Variants in CHSY3 observed in about 807,000 individuals in gnomAD.
The protein encoded by CHSY3 is N-acetylgalactosaminyl-proteoglycan 3-beta-glucuronosyltransferase 3.
A neutral mutation model predicts 67.2 loss-of-function variants in CHSY3; 35 were observed. The ratio of observed to expected loss-of-function variants is 0.52; its 90% CI spans 0.40 to 0.69. The LOEUF is 0.69. CHSY3 is among the 30% of genes least tolerant of loss of function. The pLI, the probability that CHSY3 is intolerant of heterozygous loss-of-function variation, is 0.00. For missense variants in CHSY3, 1,069 were observed against 1,138.5 expected, an observed-to-expected ratio of 0.94 and a Z score of 0.88; for synonymous variants, 474 against 434.7, an observed-to-expected ratio of 1.09 and a Z score of -1.12.
chr5:130,034,791 A>T (rs1213771644), intron 2 of CHSY3, among the ~76,000 whole-genome samples: 1 of 152,188 alleles, frequency 6.6e-6, no homozygotes, highest in Non-Finnish European at 1.5e-5. Context: ...GTCACTGAGA[A>T]AATGACACTT....
Position 130,185,124 on chromosome 5 carries a change from G to A in CHSY3, c.1982G>A (p.Arg661Lys). 6.3e-7 allele frequency: 1 copy of A among 1,596,804 alleles called. No individual in the cohort carries two copies. Among genetic ancestry groups the A allele is most frequent in the East Asian group, 2.2e-5 (1 of 44,802 alleles). The change falls in exon 3 of 3, where the codon AGG becomes AAG. Residue 661 changes from arginine to lysine, a missense_variant. Transcript: ENST00000305031. ...AAGTTGGTCATTATCCTTTTCAGTA[G>A]GGATTCTGGCCAAGACTCCAGCAAG... ...NVKLVIILFS[R>K]DSGQDSSKHI...
At chr5:130,125,452 T>TAGACAGAC (rs1554084513) in intron 2 of CHSY3, among the ~76,000 whole-genome samples, 1 of 151,800 alleles carries the variant, frequency 6.6e-6, no homozygotes, top group African/African-American at 2.4e-5. Context: ...GATAGATAGA[T>TAGACAGAC]AGACAGACAG....
rs1580646946 is a variant in CHSY3, at chr5:130,011,964, A to T, written c.1086+103604A>T. Among the ~76,000 whole-genome samples, 4 of 152,382 alleles carry T rather than the reference A, an allele frequency of 2.6e-5. No homozygotes were observed. The East Asian group carries it at 5.8e-4, about 22-fold the overall frequency. On this transcript the variant is annotated intron_variant, in intron 2 of 2. Coordinates refer to ENST00000305031, the MANE Select transcript of CHSY3 (RefSeq NM_175856.5). The stretch of plus-strand genomic sequence containing the variant: ...ACACTGTCCAAAGAAATCAGAAATG[A>T]CACAAATAAATGGAAAAACATCCCA...
chr5:130,122,124 T>A (rs1768052018), intron 2 of CHSY3, among the ~76,000 whole-genome samples: 1 of 152,210 alleles, frequency 6.6e-6, no homozygotes, highest in Admixed American at 6.5e-5. Context: ...AATACATGAA[T>A]TAATAAGTAA....
intron 2 of CHSY3, among the ~76,000 whole-genome samples, chr5:130,147,696 C>A (rs149968184): frequency 6.6e-6 from 1 of 152,218 alleles, no homozygotes; most frequent in Non-Finnish European, 1.5e-5. Context: ...CCTCAGGGAG[C>A]TTACAATCTG....
At chr5:130,115,765 A>G (rs1767776050) in intron 2 of CHSY3, among the ~76,000 whole-genome samples, 1 of 152,178 alleles carries the variant, frequency 6.6e-6, no homozygotes, top group Admixed American at 6.5e-5. Flanking sequence ...TGTAATCATG[A>G]GTGCTAACTA....
At chr5:130,033,443 CT>C (rs1278532716) in intron 2 of CHSY3, among the ~76,000 whole-genome samples, 1 of 152,126 alleles carries the variant, frequency 6.6e-6, no homozygotes, top group East Asian at 1.9e-4. Flanking sequence ...TTGGGGTCCC[CT>C]GATCCATAGA....
At chr5:129,940,644 CT>C (rs1343528581) in intron 2 of CHSY3, among the ~76,000 whole-genome samples, 1 of 151,890 alleles carries the variant, frequency 6.6e-6, no homozygotes, top group Non-Finnish European at 1.5e-5. Flanking sequence ...ATAAAAAATA[CT>C]GCAGAGCCTA....
chr5:129,955,431 C>T (rs146716427), intron 2 of CHSY3, among the ~76,000 whole-genome samples: 245 of 151,330 alleles, frequency 1.6e-3, no homozygotes, highest in African/African-American at 5.5e-3. Context: ...TATTTTTTCC[C>T]GTCTCCTTTC....
At chr5:130,118,809 G>A (rs745720323) in intron 2 of CHSY3, among the ~76,000 whole-genome samples, 3 of 151,952 alleles carry the variant, frequency 2.0e-5, no homozygotes, top group Non-Finnish European at 4.4e-5. Flanking sequence ...GGAATGCTGG[G>A]TGCTTTTGTA....
intron 2 of CHSY3, among the ~76,000 whole-genome samples, chr5:130,018,422 T>G (rs941110792): frequency 7.9e-5 from 12 of 152,274 alleles, no homozygotes; most frequent in African/African-American, 2.9e-4. Flanking sequence ...TTAACGCACT[T>G]CATGAATAAC....
chr5:129,946,089 G>A (rs1761847666), intron 2 of CHSY3, among the ~76,000 whole-genome samples: 1 of 152,066 alleles, frequency 6.6e-6, no homozygotes, highest in African/African-American at 2.4e-5. Context: ...TGAGGGTGCT[G>A]GGCAGAATTT....
At chr5:129,994,090 G>A (rs907631803) in intron 2 of CHSY3, among the ~76,000 whole-genome samples, 16 of 152,154 alleles carry the variant, frequency 1.1e-4, no homozygotes, top group African/African-American at 3.9e-4. Context: ...AGCTGTTAGT[G>A]TGATGGACTT....
chr5:130,015,687 GA>G (rs567239045), intron 2 of CHSY3, among the ~76,000 whole-genome samples: 1 of 152,114 alleles, frequency 6.6e-6, no homozygotes, highest in Non-Finnish European at 1.5e-5. Context: ...AAAGATTCTT[GA>G]AAGATCTTAG....
At chr5:129,959,721 T>C (rs2149606749) in intron 2 of CHSY3, among the ~76,000 whole-genome samples, 1 of 152,282 alleles carries the variant, frequency 6.6e-6, no homozygotes, top group Non-Finnish European at 1.5e-5. Flanking sequence ...GTCATCAGCA[T>C]AGGAAAGATG....
At chr5:130,150,761 G>T (rs1319877649) in intron 2 of CHSY3, among the ~76,000 whole-genome samples, 1 of 152,126 alleles carries the variant, frequency 6.6e-6, no homozygotes, top group Non-Finnish European at 1.5e-5. Context: ...AATAGTACAG[G>T]ATCTGCTCCC....
chr5:129,999,973 A>G (rs1027716816), intron 2 of CHSY3, among the ~76,000 whole-genome samples: 2 of 152,078 alleles, frequency 1.3e-5, no homozygotes, highest in African/African-American at 4.8e-5. Context: ...AGAAATAACC[A>G]TTGTCTTTGA....
intron 2 of CHSY3, among the ~76,000 whole-genome samples, chr5:129,918,296 T>C (rs1259007979): frequency 6.6e-6 from 1 of 152,242 alleles, no homozygotes; most frequent in Non-Finnish European, 1.5e-5. Flanking sequence ...ATCTCAGTAA[T>C]ACGTAATAAG....
intron 2 of CHSY3, among the ~76,000 whole-genome samples, chr5:130,127,590 C>G (rs1327338009): frequency 6.6e-6 from 1 of 152,160 alleles, no homozygotes; most frequent in Non-Finnish European, 1.5e-5. Context: ...GATAAAGGCA[C>G]TTTGTTTTAT....
Sources: allele counts gnomAD v4.1 joint callset (sites outside exome capture counted in the v4.1 genomes callset), GRCh38; gene constraint gnomAD v4.1.1; transcripts MANE v1.5; gene names NCBI Gene and HGNC (gene_info 2026-07-23, HGNC 2026-07-21).